The following ZNF704 variants were observed in gnomAD, a reference collection of about 807,000 sequenced individuals.
ZNF704 encodes the protein zinc finger protein 704, also known as glucocorticoid induced gene 1.
ZNF704 carries 10 observed loss-of-function variants against 44.7 expected under a neutral mutation model. That is an observed-to-expected ratio of 0.22 (90% CI 0.14 to 0.38). ZNF704 has a LOEUF of 0.38. Ranked by LOEUF, ZNF704 falls within the 10% of genes least tolerant of loss-of-function variation. The pLI is 1.00. For missense variants in ZNF704, 390 were observed against 545.5 expected, an observed-to-expected ratio of 0.71 and a Z score of 2.84; for synonymous variants, 211 against 207.6, an observed-to-expected ratio of 1.02 and a Z score of -0.14.
chr8:80,793,192 G>A (rs187986746), intron 2 of ZNF704, among the ~76,000 whole-genome samples: 22 of 152,334 alleles, frequency 1.4e-4, no homozygotes, highest in African/African-American at 5.1e-4. Context: ...GGGTATGGGA[G>A]TGTGGATCAA....
chr8:80,712,537 G>A (rs1696664481), intron 2 of ZNF704, among the ~76,000 whole-genome samples: 1 of 152,196 alleles, frequency 6.6e-6, no homozygotes, highest in African/African-American at 2.4e-5. Flanking sequence ...CTGAGTTCCT[G>A]TAGAACTGCT....
intron 2 of ZNF704, among the ~76,000 whole-genome samples, chr8:80,731,880 G>C (rs780327826): frequency 2.0e-4 from 31 of 152,344 alleles, no homozygotes; most frequent in Non-Finnish European, 2.6e-4. Context: ...CCAAAGGTTA[G>C]TTACCAAGGG....
intron 7 of ZNF704, among the ~76,000 whole-genome samples, chr8:80,657,612 C>G (rs1319358920): frequency 6.6e-6 from 1 of 151,230 alleles, no homozygotes; most frequent in African/African-American, 2.4e-5. Context: ...GAAGATGAGC[C>G]CAGGGAGGTT....
chr8:80,806,070 G>A lies in ZNF704; in HGVS notation c.221+15304C>T, dbSNP rs1807984808. On this transcript the variant is annotated intron_variant, in intron 2 of 8. Coordinates refer to ENST00000327835, the MANE Select transcript of ZNF704 (RefSeq NM_001033723.3). Reference sequence around the variant, plus strand: ...GTTTCATAGGATGGAGCAGAAAGTAGCATCTCTTCTTCTCAAACAAGAAGG... The same window carrying A: ...GTTTCATAGGATGGAGCAGAAAGTAACATCTCTTCTTCTCAAACAAGAAGG... Among the ~76,000 whole-genome samples the A allele has an allele frequency of 2.6e-5, 4 of 152,188 alleles. No individual in the cohort carries two copies. In the South Asian group the frequency reaches 8.3e-4, roughly 31 times the overall value.
At chr8:80,883,961 A>C in the ZNF704 span, among the ~76,000 whole-genome samples, 1 of 152,180 alleles carries the variant, frequency 6.6e-6, no homozygotes, top group African/African-American at 2.4e-5. Flanking sequence ...GAAGTACCTA[A>C]ATTAACCCCA....
chr8:80,751,737 C>A (rs879493027), intron 2 of ZNF704, among the ~76,000 whole-genome samples: 12 of 152,022 alleles, frequency 7.9e-5, no homozygotes, highest in African/African-American at 2.7e-4. Flanking sequence ...TGAAGTCAGC[C>A]AGGATTCTTT....
chr8:80,665,836 T>TTTTA lies in ZNF704; in HGVS notation c.660-755_660-754insTAAA, dbSNP rs1563511363. Among the ~76,000 whole-genome samples the TTTTA allele has an allele frequency of 5.3e-4, 81 of 151,974 alleles. 1 individual carries two copies. Among genetic ancestry groups the TTTTA allele is most frequent in the Middle Eastern group, 3.4e-3 (1 of 294 alleles). ...ATTTTATTTTATTTTATTTTATTTT[T>TTTTA]TTTTCATGATTGTAAGTTTCCTGAG... is the stretch of plus-strand genomic sequence containing the variant. On this transcript the variant is annotated intron_variant, in intron 5 of 8. Transcript: ENST00000327835.
intron 1 of ZNF704, among the ~76,000 whole-genome samples, chr8:80,864,076 T>A (rs1349623389): frequency 6.6e-6 from 1 of 152,172 alleles, no homozygotes; most frequent in Non-Finnish European, 1.5e-5. Flanking sequence ...AATAATGGTA[T>A]TCACAGATAC....
intron 2 of ZNF704, among the ~76,000 whole-genome samples, chr8:80,792,573 A>G (rs532865959): frequency 6.6e-6 from 1 of 152,316 alleles, no homozygotes; most frequent in South Asian, 2.1e-4. Context: ...ATTAGGCTAC[A>G]AAAAAGACTG....
chr8:80,660,503 A>C (rs887214707), intron 6 of ZNF704, among the ~76,000 whole-genome samples: 2 of 151,986 alleles, frequency 1.3e-5, no homozygotes, highest in Admixed American at 1.3e-4. Context: ...AAATAACACA[A>C]ATGCCCAGTA....
chr8:80,714,369 C>T (rs1051468770), intron 2 of ZNF704, among the ~76,000 whole-genome samples: 10 of 152,196 alleles, frequency 6.6e-5, no homozygotes, highest in Admixed American at 6.5e-4. Context: ...TTTGCCTCTT[C>T]TGAAGATTCT....
intron 1 of ZNF704, among the ~76,000 whole-genome samples, chr8:80,844,822 CT>C (rs1808741706): frequency 6.7e-6 from 1 of 149,362 alleles, no homozygotes; most frequent in South Asian, 2.1e-4. Flanking sequence ...AATTTTTTTT[CT>C]TCTCTTTTTA....
At chr8:80,870,310 C>A (rs1183189837) in intron 1 of ZNF704, among the ~76,000 whole-genome samples, 1 of 152,212 alleles carries the variant, frequency 6.6e-6, no homozygotes, top group Non-Finnish European at 1.5e-5. Flanking sequence ...TTAAAAAAAC[C>A]TAGGCCATAG....
rs544919227 is a variant in ZNF704 at position 80,631,979 on chromosome 8, T to C, written c.*9387A>G. ...CAGCCTGGCCTCTAGCTCAGGCAGA[T>C]GAGGGCAAAGGGGAGGGTAATCTTT... is the stretch of plus-strand genomic sequence containing the variant. On this transcript the variant is annotated 3_prime_UTR_variant, in exon 9 of 9. Coordinates refer to ENST00000327835, the MANE Select transcript of ZNF704 (RefSeq NM_001033723.3). 1 of 152,310 alleles carries C rather than the reference T, an allele frequency of 6.6e-6. No homozygotes were observed. The highest frequency in any genetic ancestry group is 2.1e-4 in the South Asian group (1 of 4,830). 9.4% of individuals were successfully genotyped at this position (152,310 alleles called of 1,614,324 possible). A position where few individuals can be genotyped will look rare whatever the true frequency, so the allele number is the denominator to read the frequency against.
chr8:80,745,929 C>T (rs1192257944), intron 2 of ZNF704, among the ~76,000 whole-genome samples: 1 of 152,174 alleles, frequency 6.6e-6, no homozygotes, highest in Admixed American at 6.5e-5. Context: ...CTACTCTTAA[C>T]TGATTAAATA....
intron 1 of ZNF704, among the ~76,000 whole-genome samples, chr8:80,853,561 T>TA (rs1042307291): frequency 6.0e-5 from 9 of 150,640 alleles, no homozygotes; most frequent in Admixed American, 2.0e-4. Flanking sequence ...AAAAAAAAAT[T>TA]AAAAAAAAGA....
chr8:80,645,359 C>T (rs1449799326), intron 7 of ZNF704, among the ~76,000 whole-genome samples: 1 of 152,174 alleles, frequency 6.6e-6, no homozygotes, highest in Non-Finnish European at 1.5e-5. Context: ...CCCCAAACAT[C>T]CTTAGAGAAT....
At position 80,631,434 on chromosome 8, in the gene ZNF704, G is replaced by A. The variant is rs1326535567; in HGVS notation, c.*9932C>T. On this transcript the variant is annotated 3_prime_UTR_variant, in exon 9 of 9. Transcript: ENST00000327835. ...GAAATTATAACAATTATATGCTGCAGGAGCCACTTCCTTTTCACTTACTAA... is the reference window on the plus strand; with the variant it reads ...GAAATTATAACAATTATATGCTGCAAGAGCCACTTCCTTTTCACTTACTAA... The A allele has an allele frequency of 1.6e-4, 25 of 152,142 alleles. No homozygotes were observed. The highest frequency in any genetic ancestry group is 1.6e-3 in the Admixed American group (25 of 15,274). The allele number at this position is 152,142 out of a possible 1,614,324, so 9.4% of individuals were successfully genotyped here.
intron 2 of ZNF704, among the ~76,000 whole-genome samples, chr8:80,809,487 G>A (rs892738855): frequency 1.3e-5 from 2 of 152,180 alleles, no homozygotes; most frequent in African/African-American, 2.4e-5. Flanking sequence ...CAGAGTTCGT[G>A]AGCTTCCTTG....
Sources: allele counts gnomAD v4.1 joint callset (sites outside exome capture counted in the v4.1 genomes callset), GRCh38; gene constraint gnomAD v4.1.1; transcripts MANE v1.5; gene names NCBI Gene and HGNC (gene_info 2026-07-23, HGNC 2026-07-21).